Variants in ACSS2 observed in about 807,000 individuals in gnomAD.
ACSS2 encodes acyl-CoA synthetase short chain family member 2.
In ACSS2, 58 loss-of-function variants were observed where a neutral mutation model predicts 90.6. The ratio of observed to expected loss-of-function variants is 0.64; its 90% CI spans 0.52 to 0.80. The LOEUF (loss-of-function observed/expected upper bound fraction) is 0.80, where lower values mean the gene tolerates loss of function less well. Ranked by LOEUF, ACSS2 falls within the 30% of genes least tolerant of loss-of-function variation. The pLI is 0.00. For synonymous variants in ACSS2, 300 were observed against 330.9 expected (o/e 0.91, Z 1.01); for missense variants, 759 against 912.0 (o/e 0.83, Z 2.16).
chr20:34,921,270 G>A (rs1419322305), intron 10 of ACSS2, 60 bp from the exon 11 acceptor site: 5 of 1,609,394 alleles, frequency 3.1e-6, no homozygotes, highest in Non-Finnish European at 4.2e-6. Context: ...AGAAAAGCCT[G>A]GGTATGTGTG....
At chr20:34,887,479 C>G (rs1017742695) in intron 2 of ACSS2, among the ~76,000 whole-genome samples, 17 of 152,234 alleles carry the variant, frequency 1.1e-4, no homozygotes, top group African/African-American at 4.1e-4. Context: ...ATGGCTCATG[C>G]CTGTAATCCC....
intron 7 of ACSS2, among the ~76,000 whole-genome samples, chr20:34,919,002 T>C (rs893172471): frequency 3.9e-5 from 6 of 152,156 alleles, no homozygotes; most frequent in Admixed American, 2.6e-4. Flanking sequence ...AGTAATCAAG[T>C]AGACAACTAA....
chr20:34,915,391 C>T, intron 7 of ACSS2: 3 of 947,620 alleles, frequency 3.2e-6, no homozygotes, highest in South Asian at 1.4e-5. Context: ...GGCAACTTGA[C>T]ATCTAAGCCA....
Position 34,906,776 on chromosome 20 carries a change from G to A in ACSS2, c.375-6320G>A, listed in dbSNP as rs1039458388. ...GGCAGGCGGATCACCTGAGGTCAGG[G>A]GTGTGAGACCAGCCTGGCCAACATC... On this transcript the variant is annotated intron_variant, in intron 2 of 17. Transcript: ENST00000360596. 4.0e-5 allele frequency among the ~76,000 whole-genome samples: 6 copies of A among 151,836 alleles called. No homozygotes were observed. In the South Asian group the frequency reaches 1.2e-3, roughly 32 times the overall value.
Position 34,916,851 on chromosome 20 carries a change from G to A in ACSS2, c.834+2414G>A, listed in dbSNP as rs900131212. 3.3e-5 allele frequency among the ~76,000 whole-genome samples: 5 copies of A among 152,034 alleles called. No individual in the cohort carries two copies. In the East Asian group the frequency reaches 5.8e-4, roughly 18 times the overall value. On this transcript the variant is annotated intron_variant, in intron 7 of 17. Transcript: ENST00000360596. ...ATGAGCTCCCTCATATTCCTCTCCC[G>A]TACATGGCAGCTGCCCTCCTTGAGA...
In ACSS2 at chr20:34,927,778, T is replaced by G. The variant is rs1177248195; in HGVS notation, c.*564T>G. 2 of 155,568 alleles carry G rather than the reference T, an allele frequency of 1.3e-5. No homozygotes were observed. Among genetic ancestry groups the G allele is most frequent in the Admixed American group, 6.2e-5 (1 of 16,192 alleles). The allele number at this position is 155,568 out of a possible 1,614,324, so 9.6% of individuals were successfully genotyped here. A position where few individuals can be genotyped will look rare whatever the true frequency, so the allele number is the denominator to read the frequency against. ...CCAGAGGGTATTCAGATCATCTGCT[T>G]CTTTGAAGGAGTAAATGTGTTTTGT... On this transcript the variant is annotated 3_prime_UTR_variant, in exon 18 of 18. Transcript: ENST00000360596. The surrounding 1 kb of genome is among the most constrained non-coding windows in gnomAD (Gnocchi z 4.2).
intron 1 of ACSS2, among the ~76,000 whole-genome samples, chr20:34,882,086 G>A (rs1020324266): frequency 6.6e-6 from 1 of 152,210 alleles, no homozygotes; most frequent in African/African-American, 2.4e-5. Flanking sequence ...AGAACTCGGT[G>A]TGTACCTATA....
chr20:34,885,802 C>T (rs1300013454), intron 2 of ACSS2, among the ~76,000 whole-genome samples: 1 of 152,120 alleles, frequency 6.6e-6, no homozygotes, highest in Non-Finnish European at 1.5e-5. Context: ...TCTAAATTTA[C>T]TTCCAGTGCA....
chr20:34,920,864 G>C (rs2081181073), intron 9 of ACSS2, 142 bp from the exon 10 acceptor site: 6 of 1,488,324 alleles, frequency 4.0e-6, no homozygotes, highest in Non-Finnish European at 4.6e-6. Context: ...ATCCTGACTA[G>C]GATGGTATCT....
chr20:34,881,283 C>T (rs559659348), intron 1 of ACSS2, among the ~76,000 whole-genome samples: 2 of 151,756 alleles, frequency 1.3e-5, no homozygotes, highest in South Asian at 4.2e-4. Context: ...GTGATCCGCC[C>T]GCCTTGGCCT....
intron 2 of ACSS2, among the ~76,000 whole-genome samples, chr20:34,895,282 A>C (rs2080436430): frequency 1.3e-5 from 2 of 152,182 alleles, no homozygotes; most frequent in East Asian, 3.8e-4. Flanking sequence ...AAACATTGGC[A>C]CTGCAAATTT....
chr20:34,895,888 C>T (rs2080448080), intron 2 of ACSS2, among the ~76,000 whole-genome samples: 1 of 152,184 alleles, frequency 6.6e-6, no homozygotes, highest in African/African-American at 2.4e-5. Context: ...CTGCCTTTGA[C>T]CTAGATAATA....
intron 13 of ACSS2, 47 bp from the exon 14 acceptor site, chr20:34,923,276 T>C: frequency 7.5e-7 from 1 of 1,332,556 alleles, no homozygotes; most frequent in Non-Finnish European, 1.1e-6. Flanking sequence ...TATCTTCCAG[T>C]GAGACAGCAT....
chr20:34,883,096 G>A, intron 2 of ACSS2, 107 bp downstream of exon 2: 1 of 768,922 alleles, frequency 1.3e-6, no homozygotes. Flanking sequence ...CCTCAGGTGA[G>A]GAAAAATACC....
intron 2 of ACSS2, among the ~76,000 whole-genome samples, chr20:34,904,037 G>A (rs1410359289): frequency 5.3e-5 from 8 of 152,042 alleles, no homozygotes; most frequent in Non-Finnish European, 1.2e-4. Flanking sequence ...CAAGAGCTCA[G>A]GGTATAATGG....
At chr20:34,919,105 A>G (rs1483638721) in intron 7 of ACSS2, among the ~76,000 whole-genome samples, 2 of 152,192 alleles carry the variant, frequency 1.3e-5, no homozygotes, top group African/African-American at 2.4e-5. Context: ...TCTATCAGAT[A>G]CTGTTCAGGT....
rs747145683 is a variant in ACSS2 at position 34,926,268 on chromosome 20, G to A, written c.1890G>A (p.Glu630=). 4 of 1,614,116 alleles carry A rather than the reference G, an allele frequency of 2.5e-6. No individual in the cohort carries two copies. The highest frequency in any genetic ancestry group is 2.2e-5 in the South Asian group (2 of 91,080). ...CCTTCAGCCCCAAGCTCACCGAGGA[G>A]CTCAAGAAGCAGAGTAAGGAGCCTC... ...GHTFSPKLTE[E]LKKQIREKIG... Residue 630 remains glutamate (E), a synonymous_variant, in exon 16 of 18, where the codon GAG becomes GAA. Transcript: ENST00000360596.
In ACSS2 at chr20:34,926,141, T is replaced by C; in HGVS notation, c.1763T>C (p.Leu588Pro). The change falls in exon 16 of 18, where the codon CTT (leucine) becomes CCT (proline). Residue 588 changes from leucine (L) to proline (P), a missense_variant. By Grantham distance (98) the Leu-to-Pro change is moderately conservative. Coordinates refer to ENST00000360596, the MANE Select transcript of ACSS2 (RefSeq NM_018677.4). ...AGTACAGCAGAGGTGGAGTCAGCAC[T>C]TGTGGAACATGAGGCTGTTGCAGAG... Reference protein sequence around the residue: ...LLSTAEVESALVEHEAVAEAA... With the variant: ...LLSTAEVESAPVEHEAVAEAA... The C allele has an allele frequency of 6.2e-7, 1 of 1,614,198 alleles. No homozygotes were observed. Among genetic ancestry groups the C allele is most frequent in the Admixed American group, 1.7e-5 (1 of 60,024 alleles).
At chr20:34,883,014 G>T in intron 2 of ACSS2, 25 bp downstream of exon 2, 1 of 1,563,550 alleles carries the variant, frequency 6.4e-7, no homozygotes, top group Non-Finnish European at 8.7e-7. Context: ...CTTATACTTG[G>T]TGGCAGATAA....
Sources: allele counts gnomAD v4.1 joint callset (sites outside exome capture counted in the v4.1 genomes callset), GRCh38; gene constraint gnomAD v4.1.1; non-coding constraint Gnocchi (gnomAD v3.1); transcripts MANE v1.5; gene names NCBI Gene and HGNC (gene_info 2026-07-23, HGNC 2026-07-21).